DACH1: variants seen among roughly 807,000 people sequenced by gnomAD.
DACH1 encodes the protein dachshund family transcription factor 1, also known as dachshund homolog 1.
Under a neutral mutation model 54.2 loss-of-function variants are expected in DACH1, and 12 were observed. That is an observed-to-expected ratio of 0.22 (90% CI 0.14 to 0.36). The LOEUF (loss-of-function observed/expected upper bound fraction) is 0.36. Among genes scored for constraint, DACH1 ranks in the 10% least tolerant of loss-of-function variants. The pLI, the probability that DACH1 is intolerant of heterozygous loss-of-function variation, is 1.00. For missense variants in DACH1, 805 were observed against 929.8 expected, an observed-to-expected ratio of 0.87 and a Z score of 1.75; for synonymous variants, 386 against 366.2, an observed-to-expected ratio of 1.05 and a Z score of -0.62.
chr13:71,557,380 C>T (rs543679091), intron 5 of DACH1, among the ~76,000 whole-genome samples: 104 of 152,150 alleles, frequency 6.8e-4, no homozygotes, highest in Non-Finnish European at 1.3e-3. Context: ...GACATCACCT[C>T]ACTTTATTTT....
intron 6 of DACH1, among the ~76,000 whole-genome samples, chr13:71,537,259 A>G (rs1024646621): frequency 6.6e-6 from 1 of 152,064 alleles, no homozygotes; most frequent in Non-Finnish European, 1.5e-5. Flanking sequence ...CCTTTGCGTT[A>G]TCATTCAGCC....
At chr13:71,490,979 A>C (rs1878930256) in intron 6 of DACH1, among the ~76,000 whole-genome samples, 1 of 152,192 alleles carries the variant, frequency 6.6e-6, no homozygotes, top group African/African-American at 2.4e-5. Flanking sequence ...TGATTCCACA[A>C]TTATTAAAGA....
intron 1 of DACH1, among the ~76,000 whole-genome samples, chr13:71,759,373 C>T (rs550426839): frequency 6.6e-6 from 1 of 151,490 alleles, no homozygotes; most frequent in Non-Finnish European, 1.5e-5. Flanking sequence ...TAAGTTCATT[C>T]CCCCCAACCC....
chr13:71,527,073 A>C (rs1882020976), intron 6 of DACH1, among the ~76,000 whole-genome samples: 1 of 151,936 alleles, frequency 6.6e-6, no homozygotes, highest in South Asian at 2.1e-4. Flanking sequence ...ATAAATTTTC[A>C]TGTGTATTTA....
chr13:71,633,522 T>C (rs1293985179), intron 2 of DACH1, among the ~76,000 whole-genome samples: 4 of 152,110 alleles, frequency 2.6e-5, no homozygotes, highest in African/African-American at 9.7e-5. Flanking sequence ...TTATTTATAG[T>C]ACTCCTTTAT....
chr13:71,707,634 G>C (rs1200891929), intron 1 of DACH1, among the ~76,000 whole-genome samples: 1 of 152,168 alleles, frequency 6.6e-6, no homozygotes, highest in Non-Finnish European at 1.5e-5. Flanking sequence ...ATGAAATTAA[G>C]AGAGGATAAT....
intron 1 of DACH1, among the ~76,000 whole-genome samples, chr13:71,688,346 T>C (rs566900237): frequency 2.0e-5 from 3 of 152,368 alleles, no homozygotes; most frequent in Admixed American, 6.5e-5. Flanking sequence ...TGTTAACTTG[T>C]TAGTTGAACT....
intron 1 of DACH1, among the ~76,000 whole-genome samples, chr13:71,756,409 AG>A (rs953465101): frequency 2.0e-5 from 3 of 152,084 alleles, no homozygotes; most frequent in Non-Finnish European, 2.9e-5. Context: ...CTAGAAATCC[AG>A]GGTTCAGAGA....
chr13:71,807,723 C>T (rs956110795), intron 1 of DACH1, among the ~76,000 whole-genome samples: 1 of 152,082 alleles, frequency 6.6e-6, no homozygotes, highest in South Asian at 2.1e-4. Context: ...TGAAAATTGA[C>T]AGATACAGTA....
At chr13:71,805,350 C>T (rs1468464278) in intron 1 of DACH1, among the ~76,000 whole-genome samples, 1 of 152,086 alleles carries the variant, frequency 6.6e-6, no homozygotes, top group Non-Finnish European at 1.5e-5. Flanking sequence ...GTTTCGGTTG[C>T]CTCAAAAGAG....
At chr13:71,819,241 C>A (rs188068720) in intron 1 of DACH1, among the ~76,000 whole-genome samples, 63 of 152,264 alleles carry the variant, frequency 4.1e-4, no homozygotes, top group African/African-American at 1.5e-3. Context: ...ATTAAATGTC[C>A]TGACCTCACT....
intron 6 of DACH1, among the ~76,000 whole-genome samples, chr13:71,551,142 G>GA (rs1566333985): frequency 9.9e-5 from 15 of 151,718 alleles, no homozygotes. Flanking sequence ...GAATTTAAAA[G>GA]AAAAAAGCCA....
At chr13:71,738,332 C>T (rs567969343) in intron 1 of DACH1, among the ~76,000 whole-genome samples, 14 of 151,636 alleles carry the variant, frequency 9.2e-5, no homozygotes, top group East Asian at 1.9e-4. Context: ...TTCCAATACT[C>T]GATAAACAAT....
At chr13:71,572,276 T>C (rs1350164278) in intron 4 of DACH1, among the ~76,000 whole-genome samples, 1 of 152,142 alleles carries the variant, frequency 6.6e-6, no homozygotes, top group Non-Finnish European at 1.5e-5. Flanking sequence ...TACACAGGGA[T>C]AGAGGAGACG....
chr13:71,704,213 C>A (rs558705470), intron 1 of DACH1: 90 of 237,022 alleles, frequency 3.8e-4, no homozygotes, highest in African/African-American at 1.9e-3. Context: ...AGAGAGGCAC[C>A]TGATATATGT....
chr13:71,650,579 T>C (rs778236828), intron 2 of DACH1, among the ~76,000 whole-genome samples: 2 of 152,158 alleles, frequency 1.3e-5, no homozygotes, highest in Non-Finnish European at 1.5e-5. Context: ...AATAGACCCA[T>C]TTAAGCAGTT....
At chr13:71,557,302 T>C in intron 5 of DACH1, 144 bp from the exon 6 acceptor site, 2 of 566,346 alleles carry the variant, frequency 3.5e-6, no homozygotes, top group Non-Finnish European at 5.3e-6. Flanking sequence ...TTATAATCTA[T>C]CCCTAAAAAC....
chr13:71,819,874 T>C (rs1188347144), intron 1 of DACH1, among the ~76,000 whole-genome samples: 1 of 151,716 alleles, frequency 6.6e-6, no homozygotes, highest in Non-Finnish European at 1.5e-5. Context: ...CAAACAAAAA[T>C]ATAACACAAT....
At position 71,503,351 on chromosome 13, in the gene DACH1, T is replaced by A. The variant is rs143766003; in HGVS notation, c.1571-14203A>T. On this transcript the variant is annotated intron_variant, in intron 6 of 10. Transcript: ENST00000613252. Reference sequence around the variant, plus strand: ...ATTTTTATATATGACTTGTTGAATATCTGATATAATTTATTTTCAAAACTA... The same window carrying A: ...ATTTTTATATATGACTTGTTGAATAACTGATATAATTTATTTTCAAAACTA... 3.5e-3 allele frequency among the ~76,000 whole-genome samples: 533 copies of A among 152,318 alleles called. 4 individuals carry two copies. The highest frequency in any genetic ancestry group is 0.027 in the Middle Eastern group (8 of 294).
Sources: gnomAD v4.1 joint callset for allele counts (sites outside exome capture counted in the v4.1 genomes callset) on GRCh38, gnomAD v4.1.1 for gene constraint, MANE v1.5 for transcripts, NCBI Gene and HGNC (gene_info 2026-07-23, HGNC 2026-07-21) for gene names.